NFIA: variants seen among roughly 807,000 people sequenced by gnomAD.
NFIA encodes nuclear factor 1 A-type.
In NFIA, 8 loss-of-function variants were observed where a neutral mutation model predicts 62.8. The observed-to-expected ratio is 0.13, with a 90% CI of 0.07 to 0.23. The LOEUF (loss-of-function observed/expected upper bound fraction) is 0.23, where lower values mean the gene tolerates loss of function less well. Ranked by LOEUF, NFIA falls within the 10% of genes least tolerant of loss-of-function variation. The pLI, the probability that NFIA is intolerant of heterozygous loss-of-function variation, is 1.00. For missense variants in NFIA, 410 were observed against 642.1 expected (o/e 0.64, Z 3.91); for synonymous variants, 235 against 238.1 (o/e 0.99, Z 0.12).
At position 61,369,552 on chromosome 1, in the gene NFIA, T is replaced by C. The variant is rs193028840; in HGVS notation, c.946+10278T>C. 2.7e-3 allele frequency among the ~76,000 whole-genome samples: 417 copies of C among 152,268 alleles called. 1 individual carries two copies. Among genetic ancestry groups the C allele is most frequent in the African/African-American group, 9.6e-3 (398 of 41,558 alleles). ...TTGAAGGTAGTTTTAACCATAGATATAAAGATGAAAATACTTTAGTGATCT... is the reference window on the plus strand; with the variant it reads ...TTGAAGGTAGTTTTAACCATAGATACAAAGATGAAAATACTTTAGTGATCT... On this transcript the variant is annotated intron_variant, in intron 6 of 10. Coordinates refer to ENST00000403491, the MANE Select transcript of NFIA (RefSeq NM_001134673.4).
chr1:61,360,936 A>G (rs1663255023), intron 6 of NFIA, among the ~76,000 whole-genome samples: 1 of 152,168 alleles, frequency 6.6e-6, no homozygotes, highest in African/African-American at 2.4e-5. Context: ...TCATTCACTC[A>G]TTGGATAGTC....
chr1:61,441,288 C>CA (rs1667560699), intron 10 of NFIA, among the ~76,000 whole-genome samples: 2 of 119,452 alleles, frequency 1.7e-5, no homozygotes, highest in South Asian at 6.7e-4. Context: ...GACTGCCGTG[C>CA]AGGGGTGTGT....
rs373859683 is a variant in NFIA, at chr1:61,131,520, CA to C, written c.559+42841del. On this transcript the variant is annotated intron_variant, in intron 2 of 10. Transcript: ENST00000403491. ...GGGCCCCTAATGTCTAAGCTACAGACATATTTTAGCATGCTTGACACCTTTC... is the reference window on the plus strand; with the variant it reads ...GGGCCCCTAATGTCTAAGCTACAGACTATTTTAGCATGCTTGACACCTTTC... Among the ~76,000 whole-genome samples the C allele has an allele frequency of 3.2e-4, 49 of 152,186 alleles. 1 individual carries two copies. In the East Asian group the frequency reaches 8.5e-3, roughly 26 times the overall value.
At chr1:61,352,709 C>A in intron 5 of NFIA, 142 bp downstream of exon 5, 1 of 713,598 alleles carries the variant, frequency 1.4e-6, no homozygotes. Flanking sequence ...AAAAGACTGT[C>A]GGTCTCGTTG....
intron 3 of NFIA, among the ~76,000 whole-genome samples, chr1:61,301,444 A>C (rs1460497497): frequency 6.6e-6 from 1 of 152,184 alleles, no homozygotes; most frequent in Non-Finnish European, 1.5e-5. Context: ...CAAACTTTTG[A>C]TTAAAGCTGA....
chr1:61,390,416 A>G (rs746606926), intron 7 of NFIA, among the ~76,000 whole-genome samples: 4 of 152,146 alleles, frequency 2.6e-5, no homozygotes, highest in Admixed American at 1.3e-4. Flanking sequence ...AGCAATCACC[A>G]TATAAACCAA....
chr1:61,266,547 T>C (rs1657180542), intron 2 of NFIA, among the ~76,000 whole-genome samples: 1 of 151,626 alleles, frequency 6.6e-6, no homozygotes, highest in African/African-American at 2.4e-5. Context: ...ACAGGCATGC[T>C]CCACCACGCC....
At chr1:61,241,657 T>TC (rs1280768438) in intron 2 of NFIA, among the ~76,000 whole-genome samples, 5 of 146,362 alleles carry the variant, frequency 3.4e-5, no homozygotes, top group Non-Finnish European at 4.5e-5. Flanking sequence ...GCCAACCCCC[T>TC]CCCCCCACAC....
At chr1:61,355,615 CTCTT>C (rs1234510421) in intron 5 of NFIA, among the ~76,000 whole-genome samples, 3 of 151,774 alleles carry the variant, frequency 2.0e-5, no homozygotes, top group Non-Finnish European at 4.4e-5. Flanking sequence ...GAGACAGAGT[CTCTT>C]TCTATTACCC....
intron 2 of NFIA, among the ~76,000 whole-genome samples, chr1:61,172,255 A>G (rs1451881315): frequency 1.3e-5 from 2 of 152,226 alleles, no homozygotes; most frequent in African/African-American, 2.4e-5. Context: ...CTGGAGGCAA[A>G]TGGTCACAGA....
At chr1:61,369,653 T>C (rs1663778582) in intron 6 of NFIA, among the ~76,000 whole-genome samples, 1 of 152,064 alleles carries the variant, frequency 6.6e-6, no homozygotes, top group Non-Finnish European at 1.5e-5. Flanking sequence ...ACAATAAATA[T>C]ATATTGGCTT....
intron 2 of NFIA, among the ~76,000 whole-genome samples, chr1:61,257,340 T>G (rs182341641): frequency 0.013 from 1,692 of 133,550 alleles, 35 homozygotes; most frequent in African/African-American, 0.045. Flanking sequence ...TTTTTTTTTT[T>G]TTTTTTTTTT....
rs185217686 is a variant in NFIA, at chr1:61,181,262, G to T, written c.559+92582G>T. Among the ~76,000 whole-genome samples the T allele has an allele frequency of 1.2e-4, 19 of 152,280 alleles. No homozygotes were observed. The East Asian group carries it at 3.1e-3, about 25-fold the overall frequency. ...GCATAAATATGTAATTTGTTCAGCT[G>T]TTGTAATTAAATATGTATGTGTGAA... On this transcript the variant is annotated intron_variant, in intron 2 of 10. Coordinates refer to ENST00000403491, the MANE Select transcript of NFIA (RefSeq NM_001134673.4).
At chr1:61,296,926 G>A (rs949357256) in intron 3 of NFIA, among the ~76,000 whole-genome samples, 1 of 152,156 alleles carries the variant, frequency 6.6e-6, no homozygotes, top group Non-Finnish European at 1.5e-5. Context: ...AATGGGTAAA[G>A]TCCAGCCTTG....
intron 3 of NFIA, among the ~76,000 whole-genome samples, chr1:61,309,501 A>C (rs945093258): frequency 6.6e-6 from 1 of 151,828 alleles, no homozygotes; most frequent in South Asian, 2.1e-4. Flanking sequence ...CAAAAAAAAA[A>C]ACACAAAATT....
intron 2 of NFIA, among the ~76,000 whole-genome samples, chr1:61,249,571 C>T (rs1290247036): frequency 1.3e-5 from 2 of 152,222 alleles, no homozygotes; most frequent in African/African-American, 4.8e-5. Flanking sequence ...GAGGCCGAGG[C>T]GGGTAGATCA....
rs375341056 is a variant in NFIA, at chr1:61,249,005, C to T, written c.560-28515C>T. Reference sequence around the variant, plus strand: ...AAGTATGCAACCAATCTGTGTATATCTCCTTTTAATTATTTATCTGAGTTG... The same window carrying T: ...AAGTATGCAACCAATCTGTGTATATTTCCTTTTAATTATTTATCTGAGTTG... On this transcript the variant is annotated intron_variant, in intron 2 of 10. Transcript: ENST00000403491. 3.9e-5 allele frequency: 6 copies of T among 152,274 alleles called. No homozygotes were observed. The East Asian group carries it at 7.7e-4, about 20-fold the overall frequency. 9.4% of individuals were successfully genotyped at this position (152,274 alleles called of 1,614,324 possible). A position where few individuals can be genotyped will look rare whatever the true frequency, so the allele number is the denominator to read the frequency against.
intron 2 of NFIA, among the ~76,000 whole-genome samples, chr1:61,117,330 A>C (rs1646808797): frequency 6.6e-6 from 1 of 152,196 alleles, no homozygotes; most frequent in African/African-American, 2.4e-5. Flanking sequence ...TAGTGATGGA[A>C]GAATGAGCCC....
intron 2 of NFIA, among the ~76,000 whole-genome samples, chr1:61,193,560 A>G (rs1020503715): frequency 6.6e-6 from 1 of 152,220 alleles, no homozygotes; most frequent in African/African-American, 2.4e-5. Flanking sequence ...TCTGTTGGCA[A>G]AATTCATTGT....
Sources: gnomAD v4.1 joint callset for allele counts (sites outside exome capture counted in the v4.1 genomes callset) on GRCh38, gnomAD v4.1.1 for gene constraint, MANE v1.5 for transcripts, NCBI Gene and HGNC (gene_info 2026-07-23, HGNC 2026-07-21) for gene names.